Variants in RASGRF2 observed in about 807,000 individuals in gnomAD.
RASGRF2 encodes Ras protein specific guanine nucleotide releasing factor 2.
RASGRF2 carries 76 observed loss-of-function variants against 151.0 expected under a neutral mutation model. That is an observed-to-expected ratio of 0.50 (90% CI 0.42 to 0.61). The LOEUF (loss-of-function observed/expected upper bound fraction) is 0.61. Ranked by LOEUF, RASGRF2 falls within the 20% of genes least tolerant of loss-of-function variation. The pLI is 0.00. For missense variants in RASGRF2, 1,148 were observed against 1,564.6 expected, an observed-to-expected ratio of 0.73 and a Z score of 4.49; for synonymous variants, 504 against 566.5, an observed-to-expected ratio of 0.89 and a Z score of 1.57.
chr5:81,069,350 A>C (rs897629528), intron 3 of RASGRF2, among the ~76,000 whole-genome samples: 1 of 152,276 alleles, frequency 6.6e-6, no homozygotes, highest in Admixed American at 6.5e-5. Flanking sequence ...TAGTGAAAAC[A>C]GCAACAGAAA....
At chr5:81,112,934 A>G (rs1753041329) in intron 14 of RASGRF2, 76 bp downstream of exon 14, 3 of 1,576,220 alleles carry the variant, frequency 1.9e-6, no homozygotes, top group East Asian at 4.5e-5. Context: ...GAGGATGAGC[A>G]GGCCAGCTCT....
intron 7 of RASGRF2, 74 bp from the exon 8 acceptor site, chr5:81,085,728 T>A: frequency 6.3e-7 from 1 of 1,576,712 alleles, no homozygotes; most frequent in Non-Finnish European, 8.6e-7. Context: ...CTCGAAGCAA[T>A]GATGGCCCTG....
intron 17 of RASGRF2, among the ~76,000 whole-genome samples, chr5:81,149,242 C>G (rs1168587929): frequency 1.3e-5 from 2 of 152,170 alleles, no homozygotes; most frequent in Non-Finnish European, 2.9e-5. Context: ...GCCTATCAAC[C>G]AATGAGTGGA....
chr5:81,034,672 C>T (rs999764965), intron 1 of RASGRF2, among the ~76,000 whole-genome samples: 2 of 151,316 alleles, frequency 1.3e-5, no homozygotes, highest in African/African-American at 4.9e-5. Context: ...AATTGGAAAT[C>T]ATCATTCTCA....
At chr5:81,065,502 A>C (rs1182675313) in intron 2 of RASGRF2, among the ~76,000 whole-genome samples, 1 of 152,124 alleles carries the variant, frequency 6.6e-6, no homozygotes. Context: ...CAGACCTTGC[A>C]CTGTCAGCTG....
chr5:81,135,752 A>C (rs1753738298), intron 17 of RASGRF2, among the ~76,000 whole-genome samples: 1 of 152,128 alleles, frequency 6.6e-6, no homozygotes, highest in African/African-American at 2.4e-5. Flanking sequence ...TTCATATACA[A>C]ATTTTTGTGT....
chr5:81,184,482 A>C (rs1365745840), intron 18 of RASGRF2, among the ~76,000 whole-genome samples: 1 of 152,168 alleles, frequency 6.6e-6, no homozygotes, highest in Non-Finnish European at 1.5e-5. Flanking sequence ...GTATTGACCA[A>C]CCAATTCTGA....
At chr5:81,013,137 G>T (rs1449418339) in intron 1 of RASGRF2, among the ~76,000 whole-genome samples, 1 of 152,132 alleles carries the variant, frequency 6.6e-6, no homozygotes, top group Non-Finnish European at 1.5e-5. Context: ...ACTCTAGCAG[G>T]CAGTTTACTT....
chr5:81,176,309 A>G (rs759501967), intron 17 of RASGRF2, among the ~76,000 whole-genome samples: 1 of 152,226 alleles, frequency 6.6e-6, no homozygotes, highest in Non-Finnish European at 1.5e-5. Flanking sequence ...TCCTAAAATC[A>G]TAGATCCACC....
chr5:81,178,087 A>C (rs759088168), intron 17 of RASGRF2, among the ~76,000 whole-genome samples: 3 of 152,174 alleles, frequency 2.0e-5, no homozygotes, highest in Admixed American at 6.5e-5. Context: ...CTGACTTCAG[A>C]GAGGAAAACA....
chr5:81,011,030 A>G (rs1163495945), intron 1 of RASGRF2, among the ~76,000 whole-genome samples: 1 of 145,190 alleles, frequency 6.9e-6, no homozygotes, highest in African/African-American at 2.6e-5. Context: ...TTTACTGCAC[A>G]TAGGACTGTT....
intron 1 of RASGRF2, among the ~76,000 whole-genome samples, chr5:81,028,810 T>C (rs1750130838): frequency 6.6e-6 from 1 of 152,136 alleles, no homozygotes; most frequent in Non-Finnish European, 1.5e-5. Flanking sequence ...TGTCAGACAG[T>C]GGGTGCAGCC....
At chr5:81,124,108 A>T (rs552072281) in intron 16 of RASGRF2, among the ~76,000 whole-genome samples, 1 of 152,336 alleles carries the variant, frequency 6.6e-6, no homozygotes, top group South Asian at 2.1e-4. Flanking sequence ...TATTATAAAT[A>T]ATCTACAGGT....
chr5:81,114,549 C>T (rs542679759), intron 15 of RASGRF2, among the ~76,000 whole-genome samples: 1 of 152,228 alleles, frequency 6.6e-6, no homozygotes, highest in Non-Finnish European at 1.5e-5. Flanking sequence ...CTTCAATTCT[C>T]TACTGACTTC....
rs116384911 is a variant in RASGRF2, at chr5:81,087,689, C to A, written c.1390+736C>A. ...CAAGTTATTTTTTTAGTGCTTAGGTCCTCTGGGGGAGGGGAGAATGCCCCA... is the reference window on the plus strand; with the variant it reads ...CAAGTTATTTTTTTAGTGCTTAGGTACTCTGGGGGAGGGGAGAATGCCCCA... On this transcript the variant is annotated intron_variant, in intron 9 of 26. Coordinates refer to ENST00000265080, the MANE Select transcript of RASGRF2 (RefSeq NM_006909.3). 3,050 of 351,982 alleles carry A rather than the reference C, an allele frequency of 8.7e-3. 42 individuals are homozygous for A. The highest frequency in any genetic ancestry group is 0.036 in the South Asian group (480 of 13,516). The allele number at this position is 351,982 out of a possible 1,614,324, so 21.8% of individuals were successfully genotyped here.
chr5:81,126,168 C>T (rs1753447683), intron 16 of RASGRF2, among the ~76,000 whole-genome samples: 2 of 152,210 alleles, frequency 1.3e-5, no homozygotes, highest in Admixed American at 1.3e-4. Context: ...GGAGAAGCAG[C>T]GAGCTTGGCA....
At chr5:81,099,907 C>CTT (rs577876645) in intron 12 of RASGRF2, among the ~76,000 whole-genome samples, 3,687 of 124,886 alleles carry the variant, frequency 0.03, 186 homozygotes, top group African/African-American at 0.096. Flanking sequence ...TTTCTTTTTT[C>CTT]TTTTTTTTTT....
chr5:81,211,477 C>T (rs764238630), intron 22 of RASGRF2, among the ~76,000 whole-genome samples: 3 of 152,198 alleles, frequency 2.0e-5, no homozygotes, highest in African/African-American at 4.8e-5. Flanking sequence ...CACTTCTTCC[C>T]AGGACAAACT....
At chr5:81,063,434 A>G (rs538822419) in intron 2 of RASGRF2, among the ~76,000 whole-genome samples, 71 of 152,232 alleles carry the variant, frequency 4.7e-4, no homozygotes, top group Non-Finnish European at 9.3e-4. Context: ...TTTAGTAAAG[A>G]CAGAGTTTCA....
Sources: gnomAD v4.1 joint callset for allele counts (sites outside exome capture counted in the v4.1 genomes callset) on GRCh38, gnomAD v4.1.1 for gene constraint, MANE v1.5 for transcripts, NCBI Gene and HGNC (gene_info 2026-07-23, HGNC 2026-07-21) for gene names.